TOP2B: variants seen among roughly 807,000 people sequenced by gnomAD.
TOP2B encodes the protein DNA topoisomerase 2-beta.
In TOP2B, 51 loss-of-function variants were observed where a neutral mutation model predicts 193.5. The ratio of observed to expected loss-of-function variants is 0.26; its 90% CI spans 0.21 to 0.33. TOP2B has a LOEUF of 0.33. Ranked by LOEUF, TOP2B falls within the 10% of genes least tolerant of loss-of-function variation. TOP2B has a pLI of 1.00. For synonymous variants in TOP2B, 634 were observed against 635.7 expected (o/e 1.00, Z 0.04); for missense variants, 1,378 against 1,909.3 (o/e 0.72, Z 5.19).
chr3:25,651,169 C>G (rs901739406), intron 1 of TOP2B, among the ~76,000 whole-genome samples: 1 of 151,836 alleles, frequency 6.6e-6, no homozygotes, highest in African/African-American at 2.4e-5. Flanking sequence ...TAATACAGAT[C>G]ACTTAAATAT....
At chr3:25,652,602 G>C (rs1029108574) in intron 1 of TOP2B, among the ~76,000 whole-genome samples, 2 of 152,106 alleles carry the variant, frequency 1.3e-5, no homozygotes, top group Admixed American at 6.6e-5. Flanking sequence ...AATCACAAGC[G>C]AATTTAGAAA....
chr3:25,611,693 T>C (rs1702375402), intron 28 of TOP2B, among the ~76,000 whole-genome samples: 1 of 152,112 alleles, frequency 6.6e-6, no homozygotes, highest in Admixed American at 6.5e-5. Context: ...CATTTTTTTT[T>C]TTAATCCTCA....
At position 25,607,212 on chromosome 3, in the gene TOP2B, A is replaced by G. The variant is rs746531220; in HGVS notation, c.4257T>C (p.Asp1419=). 3 of 1,612,378 alleles carry G rather than the reference A, an allele frequency of 1.9e-6. No individual in the cohort carries two copies. Among genetic ancestry groups the G allele is most frequent in the Non-Finnish European group, 2.5e-6 (3 of 1,179,076 alleles). The part of the protein sequence containing the change: ...EFVPSDGLDK[D]EYTFSPGKSK... The stretch of plus-strand genomic sequence containing the variant: ...ATTTGCCTGGTGAAAATGTATATTC[A>G]TCTTTATCTAACCCATCTGAAGGAA... Residue 1419 remains aspartate (D), a synonymous_variant, in exon 31 of 36, where the codon GAT becomes GAC. Coordinates refer to ENST00000264331, the MANE Select transcript of TOP2B (RefSeq NM_001330700.2).
At position 25,624,755 on chromosome 3, in the gene TOP2B, T is replaced by C; in HGVS notation, c.2273A>G (p.Asn758Ser). 4 of 1,613,766 alleles carry C rather than the reference T, an allele frequency of 2.5e-6. No individual in the cohort carries two copies. The highest frequency in any genetic ancestry group is 3.4e-6 in the Non-Finnish European group (4 of 1,179,750). ...GGCAACTTTTACTTCACGTTTATCA[T>C]TCCTCTTGAAACAGGTAAATAAAAC... The part of the protein sequence containing the change: ...RKVLFTCFKR[N>S]DKREVKVAQL... The change falls in exon 19 of 36, where the codon AAT becomes AGT. Residue 758 changes from asparagine (N) to serine (S), a missense_variant. Transcript: ENST00000264331.
intron 1 of TOP2B, among the ~76,000 whole-genome samples, chr3:25,646,783 T>G (rs866058594): frequency 6.6e-6 from 1 of 152,192 alleles, no homozygotes; most frequent in African/African-American, 2.4e-5. Flanking sequence ...TAAGTATGTT[T>G]AAAAATCAAA....
chr3:25,636,694 A>G (rs1703116249), intron 6 of TOP2B, among the ~76,000 whole-genome samples: 1 of 152,096 alleles, frequency 6.6e-6, no homozygotes, highest in Admixed American at 6.5e-5. Flanking sequence ...CAACGTGACT[A>G]TATAGACTTT....
chr3:25,624,503 T>C, intron 19 of TOP2B, 58 bp from the exon 20 acceptor site: 2 of 1,570,278 alleles, frequency 1.3e-6, no homozygotes, highest in South Asian at 2.4e-5. Context: ...CTATAATTAC[T>C]CCCCAACTTG....
chr3:25,641,469 T>C (rs538392045), intron 4 of TOP2B, among the ~76,000 whole-genome samples: 6 of 152,108 alleles, frequency 3.9e-5, no homozygotes, highest in Non-Finnish European at 8.8e-5. Context: ...TTATGTCTTG[T>C]ATGCCTTATA....
In TOP2B at chr3:25,598,406, T is replaced by C; in HGVS notation, c.4782A>G (p.Pro1594=). The change falls in exon 36 of 36, where the codon CCA becomes CCG. Residue 1594 remains proline, a synonymous_variant. Coordinates refer to ENST00000264331, the MANE Select transcript of TOP2B (RefSeq NM_001330700.2). ...DIFPSDFPTE[P]PSLPRTGRAR... is the part of the protein sequence containing the mutation. The stretch of plus-strand genomic sequence containing the variant: ...CCCGACCGGTTCGTGGCAGAGAAGG[T>C]GGCTCAGTAGGGAAGTCTGAGGGGA... The C allele has an allele frequency of 1.2e-6, 2 of 1,613,640 alleles. No homozygotes were observed. Among genetic ancestry groups the C allele is most frequent in the Admixed American group, 1.7e-5 (1 of 59,998 alleles).
intron 27 of TOP2B, among the ~76,000 whole-genome samples, chr3:25,613,862 T>G (rs1343781471): frequency 6.6e-6 from 1 of 152,186 alleles, no homozygotes; most frequent in Non-Finnish European, 1.5e-5. Context: ...TATAATGATA[T>G]AATTCCTAAG....
rs368712197 is a variant in TOP2B, at chr3:25,624,393, T to C, written c.2399A>G (p.Asn800Ser). The change falls in exon 20 of 36, where the codon AAC (asparagine) becomes AGC (serine). Residue 800 changes from asparagine to serine, a missense_variant. Asn to Ser is a conservative substitution (Grantham distance 46, BLOSUM62 1). Transcript: ENST00000264331. ...VNLAQNFVGS[N>S]NINLLQPIGQ... ...AATAGGCTGAAGCAAGTTAATGTTG[T>C]TACTTCCCACAAAGTTCTGAGCCAA... 12 of 1,613,830 alleles carry C rather than the reference T, an allele frequency of 7.4e-6. No homozygotes were observed. The highest frequency in any genetic ancestry group is 1.0e-5 in the Non-Finnish European group (12 of 1,179,856).
intron 35 of TOP2B, among the ~76,000 whole-genome samples, chr3:25,598,781 G>GT (rs1296494369): frequency 1.3e-5 from 2 of 152,130 alleles, no homozygotes; most frequent in African/African-American, 4.8e-5. Flanking sequence ...GCCCAGATTA[G>GT]TAAAAATTCA....
intron 10 of TOP2B, among the ~76,000 whole-genome samples, chr3:25,631,625 G>A (rs545728595): frequency 2.5e-4 from 38 of 152,114 alleles, no homozygotes; most frequent in African/African-American, 9.1e-4. Context: ...AACAAAAGAG[G>A]TGAACTGTGT....
rs1457086465 is a variant in TOP2B at position 25,620,058 on chromosome 3, T to C, written c.2867A>G (p.Tyr956Cys). Residue 956 changes from tyrosine to cysteine, a missense_variant, in exon 23 of 36, where the codon TAT becomes TGT. Around this residue, in one of 9 missense-constraint regions of TOP2B, gnomAD observed 379 missense variants for 615.1 expected, o/e 0.62. Transcript: ENST00000264331. ...ELPVRTWTQV[Y>C]KEQVLEPMLN... ...CATAGGTTCTAAAACCTGTTCTTTA[T>C]ATACCTATAAAGATTTAAAAATTAG... The C allele has an allele frequency of 2.0e-6, 3 of 1,487,460 alleles. No homozygotes were observed. The highest frequency in any genetic ancestry group is 2.0e-5 in the Admixed American group (1 of 49,176). 92.1% of individuals were successfully genotyped at this position (1,487,460 alleles called of 1,614,324 possible).
Position 25,642,276 on chromosome 3 carries a change from T to C in TOP2B, c.395+46A>G. The C allele has an allele frequency of 2.5e-6, 3 of 1,208,558 alleles. No individual in the cohort carries two copies. Among genetic ancestry groups the C allele is most frequent in the Admixed American group, 2.1e-5 (1 of 46,532 alleles). The allele number at this position is 1,208,558 out of a possible 1,614,324, so 74.9% of individuals were successfully genotyped here. ...AGGAGTACTCATAAATTGGGGACTATCTGAATAAAACTTAGCATAAAAAAT... is the reference window on the plus strand; with the variant it reads ...AGGAGTACTCATAAATTGGGGACTACCTGAATAAAACTTAGCATAAAAAAT... On this transcript the variant is annotated intron_variant, in intron 4 of 35. Coordinates refer to ENST00000264331, the MANE Select transcript of TOP2B (RefSeq NM_001330700.2).
chr3:25,631,395 G>C (rs1199652530), intron 10 of TOP2B, among the ~76,000 whole-genome samples: 1 of 151,992 alleles, frequency 6.6e-6, no homozygotes, highest in Non-Finnish European at 1.5e-5. Flanking sequence ...GGTAACTTAT[G>C]AATAGACTTT....
chr3:25,657,230 C>G (rs931411753), intron 1 of TOP2B, among the ~76,000 whole-genome samples: 1 of 152,046 alleles, frequency 6.6e-6, no homozygotes, highest in Non-Finnish European at 1.5e-5. Flanking sequence ...GAAAGTTGTC[C>G]CCTGAGCAAT....
chr3:25,625,058 A>C (rs1413308337), intron 18 of TOP2B: 2 of 287,632 alleles, frequency 7.0e-6, no homozygotes, highest in African/African-American at 2.2e-5. Flanking sequence ...CAATTGAAAG[A>C]CAACATTCTG....
At position 25,638,239 on chromosome 3, in the gene TOP2B, A is replaced by G. The variant is rs1703157422; in HGVS notation, c.467T>C (p.Val156Ala). ...TCCAAAAATTAAAGCAGGAACATAA[A>G]CTTTCTCTACCTTGTGTTCTACTAC... ...IPVVEHKVEK[V>A]YVPALIFGQL... is the part of the protein sequence containing the mutation. Residue 156 changes from valine (V) to alanine (A), a missense_variant, in exon 5 of 36, where the codon GTT becomes GCT. Physicochemically the swap from Val to Ala is moderately conservative, Grantham distance 64. Coordinates refer to ENST00000264331, the MANE Select transcript of TOP2B (RefSeq NM_001330700.2). 6.5e-7 allele frequency: 1 copy of G among 1,547,158 alleles called. No individual in the cohort carries two copies. Among genetic ancestry groups the G allele is most frequent in the Admixed American group, 2.0e-5 (1 of 50,216 alleles).
Sources: allele counts gnomAD v4.1 joint callset (sites outside exome capture counted in the v4.1 genomes callset), GRCh38; gene constraint gnomAD v4.1.1; regional missense constraint gnomAD v4.1.1; transcripts MANE v1.5; gene names NCBI Gene and HGNC (gene_info 2026-07-23, HGNC 2026-07-21).